Variants in CDKAL1 observed in about 807,000 individuals in gnomAD.
The protein encoded by CDKAL1 is threonylcarbamoyladenosine tRNA methylthiotransferase.
Under a neutral mutation model 68.2 loss-of-function variants are expected in CDKAL1, and 32 were observed. That is an observed-to-expected ratio of 0.47 (90% CI 0.35 to 0.63). The LOEUF is 0.63. Ranked by LOEUF, CDKAL1 falls within the 30% of genes least tolerant of loss-of-function variation. CDKAL1 has a pLI of 0.00. For synonymous variants in CDKAL1, 234 were observed against 244.3 expected, an observed-to-expected ratio of 0.96 and a Z score of 0.39; for missense variants, 606 against 696.7, an observed-to-expected ratio of 0.87 and a Z score of 1.47.
At chr6:20,965,135 A>G (rs1765238555) in intron 10 of CDKAL1, among the ~76,000 whole-genome samples, 1 of 152,102 alleles carries the variant, frequency 6.6e-6, no homozygotes, top group Non-Finnish European at 1.5e-5. Flanking sequence ...ATACAGTGAG[A>G]TCCGTCTCTG....
At chr6:20,883,819 T>TG (rs1760939250) in intron 9 of CDKAL1, among the ~76,000 whole-genome samples, 3 of 152,202 alleles carry the variant, frequency 2.0e-5, no homozygotes, top group Non-Finnish European at 4.4e-5. Context: ...GGAGGAAACC[T>TG]TTTGATGGAC....
chr6:21,159,836 G>A (rs1341405430), intron 13 of CDKAL1, among the ~76,000 whole-genome samples: 2 of 152,178 alleles, frequency 1.3e-5, no homozygotes, highest in Admixed American at 1.3e-4. Context: ...CAGAGTTTGA[G>A]ATTCAAAAAT....
At position 20,781,262 on chromosome 6, in the gene CDKAL1, C is replaced by CAT; in HGVS notation, c.635_636insAT (p.Gly213SerfsTer27). On this transcript the variant is annotated frameshift_variant, in exon 8 of 16. Coordinates refer to ENST00000274695, the MANE Select transcript of CDKAL1 (RefSeq NM_017774.3). LOFTEE classifies it high-confidence loss of function. ...CTGATAGAAATCATTTCCATCAATA[C>CAT]CGGGTAAGCATCTCTCAAACTTGCT... The CAT allele has an allele frequency of 6.2e-7, 1 of 1,610,280 alleles. No individual in the cohort carries two copies. The highest frequency in any genetic ancestry group is 8.5e-7 in the Non-Finnish European group (1 of 1,178,614).
At chr6:21,129,682 C>CAAAAAAAAAAAA (rs34802727) in intron 13 of CDKAL1, among the ~76,000 whole-genome samples, 9 of 68,970 alleles carry the variant, frequency 1.3e-4, no homozygotes, top group East Asian at 4.4e-4. Context: ...TGCAGTTTAC[C>CAAAAAAAAAAAA]AAAAAAAAAA....
intron 4 of CDKAL1, among the ~76,000 whole-genome samples, chr6:20,627,691 A>T (rs1400497442): frequency 1.3e-5 from 2 of 152,210 alleles, no homozygotes; most frequent in Non-Finnish European, 2.9e-5. Context: ...TGATATCTTT[A>T]CTATGTTGAG....
At chr6:21,007,750 T>C (rs1411027752) in intron 11 of CDKAL1, among the ~76,000 whole-genome samples, 4 of 152,168 alleles carry the variant, frequency 2.6e-5, no homozygotes, top group Admixed American at 2.0e-4. Flanking sequence ...GTTAAAGCAT[T>C]GTATGTCTTA....
chr6:20,995,745 G>T (rs939336241), intron 10 of CDKAL1, among the ~76,000 whole-genome samples: 1 of 152,100 alleles, frequency 6.6e-6, no homozygotes, highest in Non-Finnish European at 1.5e-5. Context: ...ATGAGAATTG[G>T]TTTCAACTTA....
intron 11 of CDKAL1, among the ~76,000 whole-genome samples, chr6:21,057,232 T>C (rs1770884561): frequency 6.6e-6 from 1 of 152,202 alleles, no homozygotes; most frequent in South Asian, 2.1e-4. Context: ...ATTCAAGTTC[T>C]TCCTTGTTCA....
intron 5 of CDKAL1, among the ~76,000 whole-genome samples, chr6:20,730,355 G>T (rs1772854013): frequency 6.9e-6 from 1 of 145,562 alleles, no homozygotes; most frequent in Non-Finnish European, 1.5e-5. Context: ...CGAAAAGAAA[G>T]AAAGATAGAT....
At chr6:21,163,899 C>T (rs1358037165) in intron 13 of CDKAL1, among the ~76,000 whole-genome samples, 2 of 150,250 alleles carry the variant, frequency 1.3e-5, no homozygotes, top group Admixed American at 6.6e-5. Context: ...TGCAGTAAGC[C>T]AACATCACAC....
chr6:20,843,023 C>T (rs1175961568), intron 8 of CDKAL1, among the ~76,000 whole-genome samples: 2 of 151,978 alleles, frequency 1.3e-5, no homozygotes, highest in Admixed American at 1.3e-4. Context: ...GAGTGATTTT[C>T]CGTGGGGAAT....
At chr6:21,046,838 A>G (rs181229351) in intron 11 of CDKAL1, among the ~76,000 whole-genome samples, 113 of 152,324 alleles carry the variant, frequency 7.4e-4, no homozygotes, top group African/African-American at 2.7e-3. Context: ...ATGAGTTTAG[A>G]ATGACGAGAC....
chr6:20,799,043 T>TG, intron 8 of CDKAL1, among the ~76,000 whole-genome samples: 1 of 100,960 alleles, frequency 9.9e-6, no homozygotes, highest in African/African-American at 4.0e-5. Context: ...GAACTGAGTT[T>TG]TTTTTTTTTT....
chr6:21,030,756 A>T (rs1247196397), intron 11 of CDKAL1, among the ~76,000 whole-genome samples: 1 of 152,136 alleles, frequency 6.6e-6, no homozygotes, highest in African/African-American at 2.4e-5. Flanking sequence ...ATGCATGCAT[A>T]TGAGGAGGAA....
intron 4 of CDKAL1, among the ~76,000 whole-genome samples, chr6:20,558,267 C>CA (rs1764138474): frequency 6.6e-6 from 1 of 152,150 alleles, no homozygotes; most frequent in African/African-American, 2.4e-5. Context: ...TGTATTCTTT[C>CA]TATCAGCTCT....
chr6:21,176,696 G>GTTTT (rs1169908107), intron 13 of CDKAL1, among the ~76,000 whole-genome samples: 2 of 100,518 alleles, frequency 2.0e-5, no homozygotes, highest in East Asian at 2.5e-4. Flanking sequence ...TTTTTTTTTT[G>GTTTT]TTTTTTTTTT....
At chr6:20,928,441 T>C (rs1486529959) in intron 9 of CDKAL1, among the ~76,000 whole-genome samples, 1 of 152,196 alleles carries the variant, frequency 6.6e-6, no homozygotes, top group Non-Finnish European at 1.5e-5. Context: ...GTGAATCACC[T>C]GAAATATCAA....
intron 9 of CDKAL1, among the ~76,000 whole-genome samples, chr6:20,912,519 G>A (rs772718122): frequency 6.6e-6 from 1 of 152,204 alleles, no homozygotes; most frequent in Non-Finnish European, 1.5e-5. Flanking sequence ...ATAGCTGAAT[G>A]AGGCAAGTAA....
intron 7 of CDKAL1, among the ~76,000 whole-genome samples, chr6:20,763,930 T>G (rs1581533104): frequency 6.6e-6 from 1 of 152,292 alleles, no homozygotes. Context: ...ATTTAGGATT[T>G]TTTTCCTGTA....
Sources: gnomAD v4.1 joint callset for allele counts (sites outside exome capture counted in the v4.1 genomes callset) on GRCh38, gnomAD v4.1.1 for gene constraint, MANE v1.5 for transcripts, NCBI Gene and HGNC (gene_info 2026-07-23, HGNC 2026-07-21) for gene names.